The following ZNF827 variants were observed in gnomAD, a reference collection of about 807,000 sequenced individuals.
ZNF827 encodes the protein zinc finger protein 827.
Under a neutral mutation model 102.4 loss-of-function variants are expected in ZNF827, and 13 were observed. The ratio of observed to expected loss-of-function variants is 0.13; its 90% CI spans 0.08 to 0.20. The LOEUF is 0.20. ZNF827 is among the 10% of genes least tolerant of loss of function. The pLI is 1.00. For synonymous variants in ZNF827, 523 were observed against 536.2 expected, an observed-to-expected ratio of 0.98 and a Z score of 0.34; for missense variants, 1,103 against 1,344.4, an observed-to-expected ratio of 0.82 and a Z score of 2.81.
intron 8 of ZNF827, among the ~76,000 whole-genome samples, chr4:145,822,760 A>AAC (rs1743269481): frequency 6.6e-6 from 1 of 152,194 alleles, no homozygotes; most frequent in Non-Finnish European, 1.5e-5. Context: ...TAACTCTGAG[A>AAC]ACACACACAT....
rs1734421167 is a variant in ZNF827, at chr4:145,761,118, G to A, written c.*498C>T. On this transcript the variant is annotated 3_prime_UTR_variant, in exon 15 of 15. Coordinates refer to ENST00000508784, the MANE Select transcript of ZNF827 (RefSeq NM_001306215.2). This position sits in a 1 kb window ranked among gnomAD's most constrained non-coding sequence, Gnocchi z 6.8. ...GATTCCGGGAGCTCCCGACCACCAG[G>A]AGCGGGGCCCCCGGGCCGGCCGGTT... 1 of 1,289,634 alleles carries A rather than the reference G, an allele frequency of 7.8e-7. No individual in the cohort carries two copies. The highest frequency in any genetic ancestry group is 1.0e-6 in the Non-Finnish European group (1 of 988,734). The allele number at this position is 1,289,634 out of a possible 1,614,324, so 79.9% of individuals were successfully genotyped here.
chr4:145,793,280 AAT>A (rs1236009480), intron 8 of ZNF827, among the ~76,000 whole-genome samples: 81 of 9,174 alleles, frequency 8.8e-3, no homozygotes, highest in African/African-American at 0.03. Flanking sequence ...ATATATATAT[AAT>A]ATATATATGA....
At chr4:145,794,688 A>G (rs184203774) in intron 8 of ZNF827, among the ~76,000 whole-genome samples, 65 of 152,196 alleles carry the variant, frequency 4.3e-4, no homozygotes, top group African/African-American at 1.6e-3. Context: ...CGACAGGGCG[A>G]GACCCTGTCT....
chr4:145,833,619 C>A lies in ZNF827; in HGVS notation c.2280-10094G>T, dbSNP rs149416994. Among the ~76,000 whole-genome samples the A allele has an allele frequency of 6.3e-3, 952 of 152,216 alleles. 14 individuals carry two copies. Among genetic ancestry groups the A allele is most frequent in the African/African-American group, 0.022 (901 of 41,520 alleles). ...TCCCGCTTTTCTACGGGGCAAGAAC[C>A]CCCAATCCCTTATTTCTGCACCCCA... On this transcript the variant is annotated intron_variant, in intron 7 of 14. Transcript: ENST00000508784.
At chr4:145,831,736 G>C (rs1471634804) in intron 7 of ZNF827, 1 of 152,170 alleles carries the variant, frequency 6.6e-6, no homozygotes, top group Non-Finnish European at 1.5e-5. Context: ...AAAGAATCTG[G>C]GAATGAATGT....
intron 8 of ZNF827, among the ~76,000 whole-genome samples, chr4:145,786,404 C>A (rs1330748909): frequency 3.9e-5 from 6 of 152,188 alleles, no homozygotes; most frequent in Non-Finnish European, 8.8e-5. Context: ...GACCTCAATG[C>A]ATAAATAACT....
Position 145,900,059 on chromosome 4 carries a change from G to A in ZNF827, c.1093+2107C>T, listed in dbSNP as rs191599385. Among the ~76,000 whole-genome samples, 18 of 152,260 alleles carry A rather than the reference G, an allele frequency of 1.2e-4. No individual in the cohort carries two copies. The East Asian group carries it at 3.3e-3, about 28-fold the overall frequency. ...CAAAAAGGAACATAGCTTTTCCCTT[G>A]GGTGTATTTCCCACAACAAAACAAA... On this transcript the variant is annotated intron_variant, in intron 2 of 14. Transcript: ENST00000508784.
At chr4:145,937,470 G>T (rs1448665997) in intron 1 of ZNF827, among the ~76,000 whole-genome samples, 2 of 150,846 alleles carry the variant, frequency 1.3e-5, no homozygotes, top group Non-Finnish European at 3.0e-5. Flanking sequence ...GACCTCGCGC[G>T]CCGCGAGCCG....
At chr4:145,918,348 A>C (rs1201301549) in intron 1 of ZNF827, among the ~76,000 whole-genome samples, 4 of 149,524 alleles carry the variant, frequency 2.7e-5, no homozygotes, top group Admixed American at 6.6e-5. Flanking sequence ...AAAAAAAAAA[A>C]AAAAAAAAAA....
intron 8 of ZNF827, among the ~76,000 whole-genome samples, chr4:145,793,884 G>A (rs1175192972): frequency 6.6e-6 from 1 of 152,148 alleles, no homozygotes; most frequent in African/African-American, 2.4e-5. Context: ...CTAGTTCATA[G>A]AGAACTTGAG....
At position 145,900,207 on chromosome 4, in the gene ZNF827, A is replaced by C. The variant is rs1051443695; in HGVS notation, c.1093+1959T>G. ...TGGTTATACCGGAGACTTCAATATG[A>C]CAAAGCTGCTACAGTCTGGGCTTCA... On this transcript the variant is annotated intron_variant, in intron 2 of 14. Transcript: ENST00000508784. Among the ~76,000 whole-genome samples, 4 of 152,292 alleles carry C rather than the reference A, an allele frequency of 2.6e-5. No homozygotes were observed. The South Asian group carries it at 8.3e-4, about 32-fold the overall frequency.
intron 8 of ZNF827, among the ~76,000 whole-genome samples, chr4:145,816,909 G>A (rs185453105): frequency 1.3e-5 from 2 of 152,332 alleles, no homozygotes; most frequent in East Asian, 3.9e-4. Flanking sequence ...CAAACTAGAA[G>A]TGGCATAATT....
chr4:145,907,243 T>C (rs1288540627), intron 1 of ZNF827: 1 of 455,804 alleles, frequency 2.2e-6, no homozygotes, highest in Non-Finnish European at 4.4e-6. Context: ...TCTATTTTCA[T>C]GTCCAATCTC....
intron 2 of ZNF827, among the ~76,000 whole-genome samples, chr4:145,897,288 AT>A (rs1472257080): frequency 6.6e-6 from 1 of 152,246 alleles, no homozygotes; most frequent in Non-Finnish European, 1.5e-5. Context: ...ACACAAAGGT[AT>A]TTTTAAAACA....
intron 8 of ZNF827, among the ~76,000 whole-genome samples, chr4:145,785,693 AATT>A (rs746695807): frequency 4.6e-5 from 7 of 152,348 alleles, no homozygotes; most frequent in Non-Finnish European, 1.0e-4. Context: ...GAACCTAAGT[AATT>A]ACCCCAGGTA....
intron 5 of ZNF827, among the ~76,000 whole-genome samples, chr4:145,859,570 G>A (rs1013254349): frequency 1.3e-5 from 2 of 152,168 alleles, no homozygotes; most frequent in Non-Finnish European, 2.9e-5. Flanking sequence ...CAGAGTGCAT[G>A]GATATTCCCC....
intron 5 of ZNF827, among the ~76,000 whole-genome samples, chr4:145,854,601 C>T (rs950833653): frequency 6.6e-6 from 1 of 152,134 alleles, no homozygotes; most frequent in African/African-American, 2.4e-5. Flanking sequence ...TCAGCCCCAC[C>T]CTCCCTACTT....
chr4:145,816,086 T>A (rs1473949792), intron 8 of ZNF827, among the ~76,000 whole-genome samples: 1 of 152,204 alleles, frequency 6.6e-6, no homozygotes, highest in Non-Finnish European at 1.5e-5. Context: ...TCCAGGCTGG[T>A]CTCAAACTCC....
At chr4:145,861,690 C>G (rs1747748274) in intron 5 of ZNF827, among the ~76,000 whole-genome samples, 2 of 152,098 alleles carry the variant, frequency 1.3e-5, no homozygotes. Flanking sequence ...CAGCACGCCC[C>G]CACCCCAGAT....
Sources: gnomAD v4.1 joint callset for allele counts (sites outside exome capture counted in the v4.1 genomes callset) on GRCh38, gnomAD v4.1.1 for gene constraint, Gnocchi (gnomAD v3.1) non-coding constraint, MANE v1.5 for transcripts, NCBI Gene and HGNC (gene_info 2026-07-23, HGNC 2026-07-21) for gene names.